Variants in ZRANB3 observed in about 807,000 individuals in gnomAD.
The protein encoded by ZRANB3 is DNA annealing helicase and endonuclease ZRANB3.
In ZRANB3, 125 loss-of-function variants were observed where a neutral mutation model predicts 133.8. The observed-to-expected ratio is 0.93, with a 90% confidence interval of 0.81 to 1.08. ZRANB3 has a LOEUF of 1.08. Ranked by LOEUF, ZRANB3 falls within the 50% of genes least tolerant of loss-of-function variation. The pLI, the probability that ZRANB3 is intolerant of heterozygous loss-of-function variation, is 0.00. For synonymous variants in ZRANB3, 387 were observed against 432.7 expected (o/e 0.89, Z 1.31); for missense variants, 1,229 against 1,275.5 (o/e 0.96, Z 0.56).
intron 10 of ZRANB3, among the ~76,000 whole-genome samples, chr2:135,270,347 A>G (rs1680455785): frequency 6.6e-6 from 1 of 152,172 alleles, no homozygotes; most frequent in Non-Finnish European, 1.5e-5. Flanking sequence ...ATAATGTAAG[A>G]TTCACAGTAC....
intron 5 of ZRANB3, among the ~76,000 whole-genome samples, 153 bp from the exon 6 acceptor site, chr2:135,345,788 C>T (rs1684892198): frequency 6.6e-6 from 1 of 152,014 alleles, no homozygotes; most frequent in African/African-American, 2.4e-5. Context: ...TCAGGGATAA[C>T]CGTTATCTGT....
chr2:135,487,655 T>A (rs1692184344), intron 2 of ZRANB3, among the ~76,000 whole-genome samples: 1 of 152,212 alleles, frequency 6.6e-6, no homozygotes, highest in Admixed American at 6.5e-5. Context: ...TTAATCCTCA[T>A]GAACCAACCT....
At chr2:135,262,362 A>C (rs953275690) in intron 12 of ZRANB3, among the ~76,000 whole-genome samples, 4 of 152,136 alleles carry the variant, frequency 2.6e-5, no homozygotes, top group Non-Finnish European at 5.9e-5. Flanking sequence ...TAAACTTCAC[A>C]TTAAATTTTT....
At chr2:135,250,954 C>T (rs1327620249) in intron 12 of ZRANB3, among the ~76,000 whole-genome samples, 1 of 152,156 alleles carries the variant, frequency 6.6e-6, no homozygotes, top group East Asian at 1.9e-4. Context: ...AATGGTAGAT[C>T]CACTGACAGC....
At chr2:135,370,058 C>A (rs1474760550) in intron 3 of ZRANB3, among the ~76,000 whole-genome samples, 1 of 145,440 alleles carries the variant, frequency 6.9e-6, no homozygotes, top group Non-Finnish European at 1.5e-5. Flanking sequence ...TTTTTAATAT[C>A]CTCGAAGATC....
At position 135,197,260 on chromosome 2, in the gene ZRANB3, T is replaced by C. The variant is rs1358714820; in HGVS notation, c.*3082A>G. The C allele has an allele frequency of 6.6e-6, 1 of 152,258 alleles. No homozygotes were observed. The highest frequency in any genetic ancestry group is 1.5e-5 in the Non-Finnish European group (1 of 68,050). The allele number at this position is 152,258 out of a possible 1,614,324, so 9.4% of individuals were successfully genotyped here. A position where few individuals can be genotyped will look rare whatever the true frequency, so the allele number is the denominator to read the frequency against. ...TTTTGATGTTTGATATCCATGATTC[T>C]GTATCCTATGAGTAAACACAACCTA... On this transcript the variant is annotated 3_prime_UTR_variant, in exon 21 of 21. Coordinates refer to ENST00000264159, the MANE Select transcript of ZRANB3 (RefSeq NM_032143.4).
At chr2:135,220,451 G>T (rs1285955016) in intron 15 of ZRANB3, among the ~76,000 whole-genome samples, 1 of 151,918 alleles carries the variant, frequency 6.6e-6, no homozygotes, top group African/African-American at 2.4e-5. Flanking sequence ...TGTACTCCCA[G>T]CACTTTGGGA....
intron 6 of ZRANB3, among the ~76,000 whole-genome samples, chr2:135,330,040 C>A (rs968780640): frequency 2.6e-5 from 4 of 152,152 alleles, no homozygotes; most frequent in African/African-American, 9.7e-5. Context: ...ACTGAATACC[C>A]TTTATTTCTT....
intron 8 of ZRANB3, among the ~76,000 whole-genome samples, chr2:135,301,262 C>T (rs575973616): frequency 1.3e-5 from 2 of 151,754 alleles, no homozygotes; most frequent in South Asian, 2.1e-4. Flanking sequence ...CTCACCCCAC[C>T]GCAACCTCTG....
chr2:135,236,593 A>G (rs1426995650), intron 12 of ZRANB3, among the ~76,000 whole-genome samples: 4 of 152,214 alleles, frequency 2.6e-5, no homozygotes, highest in Admixed American at 6.5e-5. Context: ...AAACAGAGAT[A>G]TAGACCAATG....
At chr2:135,273,301 TTAAATA>T (rs1324147578) in intron 9 of ZRANB3, among the ~76,000 whole-genome samples, 1 of 152,184 alleles carries the variant, frequency 6.6e-6, no homozygotes, top group Admixed American at 6.5e-5. Context: ...AAATATAGCC[TTAAATA>T]GTTGGAACAT....
At chr2:135,515,496 T>C (rs1423255537) in intron 1 of ZRANB3, among the ~76,000 whole-genome samples, 1 of 152,206 alleles carries the variant, frequency 6.6e-6, no homozygotes, top group Non-Finnish European at 1.5e-5. Flanking sequence ...TTTGTTCTCA[T>C]TGGTTTCAAA....
In ZRANB3 at chr2:135,198,077, A is replaced by T. The variant is rs1268549840; in HGVS notation, c.*2265T>A. The T allele has an allele frequency of 1.3e-5, 2 of 152,164 alleles. No individual in the cohort carries two copies. The highest frequency in any genetic ancestry group is 4.8e-5 in the African/African-American group (2 of 41,416). The allele number at this position is 152,164 out of a possible 1,614,324, so 9.4% of individuals were successfully genotyped here. A position where few individuals can be genotyped will look rare whatever the true frequency, so the allele number is the denominator to read the frequency against. On this transcript the variant is annotated 3_prime_UTR_variant, in exon 21 of 21. Transcript: ENST00000264159. ...TTGTACCCACCTGTGTTTTCACTCC[A>T]TCTCCATCTCCTGAGTGGCAGCAGC...
intron 14 of ZRANB3, among the ~76,000 whole-genome samples, chr2:135,225,737 A>G (rs1186443826): frequency 6.6e-6 from 1 of 152,234 alleles, no homozygotes; most frequent in African/African-American, 2.4e-5. Flanking sequence ...CATGTATACC[A>G]TAAAACTTGG....
intron 2 of ZRANB3, among the ~76,000 whole-genome samples, chr2:135,479,172 T>C (rs996151829): frequency 2.0e-5 from 3 of 152,100 alleles, no homozygotes; most frequent in African/African-American, 7.2e-5. Context: ...ATTTTGTTCT[T>C]ATATATGCAT....
intron 15 of ZRANB3, among the ~76,000 whole-genome samples, chr2:135,220,362 C>T (rs569427439): frequency 6.6e-6 from 1 of 151,932 alleles, no homozygotes; most frequent in African/African-American, 2.4e-5. Context: ...GTTACAGCTC[C>T]CACAATTGCT....
chr2:135,452,902 A>G (rs1690336179), intron 2 of ZRANB3, among the ~76,000 whole-genome samples: 2 of 152,208 alleles, frequency 1.3e-5, no homozygotes, highest in African/African-American at 4.8e-5. Context: ...CTCTTCTCAC[A>G]GCTCCACTAG....
intron 3 of ZRANB3, among the ~76,000 whole-genome samples, chr2:135,365,241 T>A (rs1359654453): frequency 1.3e-5 from 2 of 152,198 alleles, no homozygotes. Context: ...CACTCCAGCC[T>A]GGGTGACAGA....
chr2:135,485,337 G>C (rs1371322553), intron 2 of ZRANB3, among the ~76,000 whole-genome samples: 1 of 152,272 alleles, frequency 6.6e-6, no homozygotes, highest in African/African-American at 2.4e-5. Flanking sequence ...TGCAGGAGAA[G>C]AGAAGCAGGC....
Sources: gnomAD v4.1 joint callset for allele counts (sites outside exome capture counted in the v4.1 genomes callset) on GRCh38, gnomAD v4.1.1 for gene constraint, MANE v1.5 for transcripts, NCBI Gene and HGNC (gene_info 2026-07-23, HGNC 2026-07-21) for gene names.